Variants in ARID1B observed in about 807,000 individuals in gnomAD.
ARID1B encodes the protein AT-rich interaction domain 1B.
ARID1B carries 30 observed loss-of-function variants against 212.3 expected under a neutral mutation model. The ratio of observed to expected loss-of-function variants is 0.14; its 90% CI spans 0.11 to 0.19. The LOEUF (loss-of-function observed/expected upper bound fraction) is 0.19, where lower values mean the gene tolerates loss of function less well. Among genes scored for constraint, ARID1B ranks in the 10% least tolerant of loss-of-function variants. The pLI, the probability that ARID1B is intolerant of heterozygous loss-of-function variation, is 1.00. For missense variants in ARID1B, 2,891 were observed against 3,204.0 expected (o/e 0.90, Z 2.36); for synonymous variants, 1,402 against 1,301.7 (o/e 1.08, Z -1.66).
At chr6:156,872,978 C>T (rs1421152289) in intron 2 of ARID1B, among the ~76,000 whole-genome samples, 2 of 152,202 alleles carry the variant, frequency 1.3e-5, no homozygotes, top group East Asian at 1.9e-4. Flanking sequence ...CTGAAGACCC[C>T]TCTACTCTTC....
At chr6:156,897,191 A>ACTG (rs576037969) in intron 2 of ARID1B, among the ~76,000 whole-genome samples, 9,475 of 108,292 alleles carry the variant, frequency 0.087, 569 homozygotes, top group Non-Finnish European at 0.12. Flanking sequence ...TGCTGCTGCT[A>ACTG]CTGCTGCTGC....
chr6:156,965,889 G>T (rs904906403), intron 4 of ARID1B, among the ~76,000 whole-genome samples: 5 of 152,088 alleles, frequency 3.3e-5, no homozygotes, highest in Non-Finnish European at 1.5e-5. Flanking sequence ...CTGAAATTTT[G>T]TCTTTAAGTT....
Position 157,137,144 on chromosome 6 carries a change from G to A in ARID1B, c.2761+3937G>A, listed in dbSNP as rs965612615. Among the ~76,000 whole-genome samples the A allele has an allele frequency of 3.9e-5, 6 of 152,018 alleles. 1 individual carries two copies. Among genetic ancestry groups the A allele is most frequent in the Non-Finnish European group, 2.9e-5 (2 of 68,012 alleles). Reference sequence around the variant, plus strand: ...TGCAGTGAGCTCTGATCACACCACTGCTCTACAGCCTGGGTGGCAAAGTGA... The same window carrying A: ...TGCAGTGAGCTCTGATCACACCACTACTCTACAGCCTGGGTGGCAAAGTGA... On this transcript the variant is annotated intron_variant, in intron 7 of 19. Coordinates refer to ENST00000636930, the MANE Select transcript of ARID1B (RefSeq NM_001374828.1).
At chr6:157,188,312 C>T (rs1583477036) in intron 13 of ARID1B, among the ~76,000 whole-genome samples, 1 of 152,158 alleles carries the variant, frequency 6.6e-6, no homozygotes, top group East Asian at 1.9e-4. Flanking sequence ...ACGGATGTTA[C>T]GCAGTGTTCA....
chr6:156,954,697 G>A (rs1355070075), intron 4 of ARID1B, among the ~76,000 whole-genome samples: 4 of 151,816 alleles, frequency 2.6e-5, no homozygotes, highest in Non-Finnish European at 5.9e-5. Context: ...TTCTACTTCT[G>A]CCTTCTTAAA....
chr6:156,821,768 C>A (rs1782370650), intron 1 of ARID1B, among the ~76,000 whole-genome samples: 1 of 152,192 alleles, frequency 6.6e-6, no homozygotes, highest in Admixed American at 6.5e-5. Context: ...ATGAACTCCT[C>A]TGACACTGTA....
chr6:156,980,467 G>A lies in ARID1B; in HGVS notation c.2247+44891G>A, dbSNP rs144112110. On this transcript the variant is annotated intron_variant, in intron 4 of 19. Transcript: ENST00000636930. ...CATTGCACTCCAGCCTGGGCGACAA[G>A]AGCCAACCTACATCTCAAAAACAAA... Among the ~76,000 whole-genome samples the A allele has an allele frequency of 2.9e-4, 43 of 150,358 alleles. 1 individual carries two copies. The East Asian group carries it at 8.3e-3, about 29-fold the overall frequency.
chr6:156,875,367 A>G (rs561003299), intron 2 of ARID1B, among the ~76,000 whole-genome samples: 1 of 152,360 alleles, frequency 6.6e-6, no homozygotes, highest in East Asian at 1.9e-4. Context: ...TTTCCAGTCC[A>G]GTTAGTGACA....
intron 1 of ARID1B, among the ~76,000 whole-genome samples, chr6:156,810,868 G>A (rs933930339): frequency 2.6e-5 from 4 of 152,178 alleles, no homozygotes; most frequent in African/African-American, 9.7e-5. Flanking sequence ...GTTTGCTGTT[G>A]CTGCATAACA....
chr6:157,073,750 C>T (rs1784129495), intron 4 of ARID1B, among the ~76,000 whole-genome samples: 1 of 152,202 alleles, frequency 6.6e-6, no homozygotes, highest in South Asian at 2.1e-4. Flanking sequence ...TCTTACCCCA[C>T]AATTCCTGCT....
intron 1 of ARID1B, among the ~76,000 whole-genome samples, chr6:156,810,673 G>C (rs895348791): frequency 6.6e-6 from 1 of 152,140 alleles, no homozygotes; most frequent in Non-Finnish European, 1.5e-5. Context: ...GGTGATCCTT[G>C]AGTCAAGGCC....
intron 4 of ARID1B, among the ~76,000 whole-genome samples, chr6:156,952,929 A>T (rs999411776): frequency 6.6e-6 from 1 of 152,206 alleles, no homozygotes; most frequent in East Asian, 1.9e-4. Context: ...GGAATCTTCA[A>T]GAAGACTTTA....
Position 156,971,684 on chromosome 6 carries a change from C to T in ARID1B, c.2247+36108C>T, listed in dbSNP as rs116508646. Among the ~76,000 whole-genome samples the T allele has an allele frequency of 4.6e-3, 699 of 152,194 alleles. 8 individuals carry two copies. Among genetic ancestry groups the T allele is most frequent in the African/African-American group, 0.016 (662 of 41,512 alleles). Reference sequence around the variant, plus strand: ...TCTCATCTAGGGCTTGTGGGGGTTCCTCTTCCAAGCTCCTGTGGTTGCTGG... The same window carrying T: ...TCTCATCTAGGGCTTGTGGGGGTTCTTCTTCCAAGCTCCTGTGGTTGCTGG... On this transcript the variant is annotated intron_variant, in intron 4 of 19. Coordinates refer to ENST00000636930, the MANE Select transcript of ARID1B (RefSeq NM_001374828.1).
chr6:157,048,515 C>T (rs748514983), intron 4 of ARID1B, among the ~76,000 whole-genome samples: 13 of 152,080 alleles, frequency 8.5e-5, no homozygotes, highest in Non-Finnish European at 1.5e-4. Context: ...AATAAAAAGT[C>T]TGGGAGACTA....
chr6:156,794,570 CTTTTTTTTT>C (rs34848808), intron 1 of ARID1B, among the ~76,000 whole-genome samples: 5 of 67,978 alleles, frequency 7.4e-5, no homozygotes, highest in Admixed American at 3.9e-4. Context: ...CTGGCACATT[CTTTTTTTTT>C]TTTTTTTTTT....
chr6:157,002,659 A>G lies in ARID1B; in HGVS notation c.2247+67083A>G, dbSNP rs149012843. Among the ~76,000 whole-genome samples the G allele has an allele frequency of 4.9e-3, 754 of 152,340 alleles. 4 individuals are homozygous for G. Among genetic ancestry groups the G allele is most frequent in the African/African-American group, 0.017 (718 of 41,562 alleles). ...AGAATTGCTAAATAGTTGCTGGAGTATTTTAATTTAGTCTGCCTGAAACTG... is the reference window on the plus strand; with the variant it reads ...AGAATTGCTAAATAGTTGCTGGAGTGTTTTAATTTAGTCTGCCTGAAACTG... On this transcript the variant is annotated intron_variant, in intron 4 of 19. Transcript: ENST00000636930.
intron 4 of ARID1B, among the ~76,000 whole-genome samples, chr6:157,080,575 C>T (rs1784576492): frequency 6.6e-6 from 1 of 152,214 alleles, no homozygotes. Flanking sequence ...TTTATTCCTT[C>T]TGACGCTGCC....
At chr6:156,810,894 A>C (rs1208043237) in intron 1 of ARID1B, among the ~76,000 whole-genome samples, 1 of 152,204 alleles carries the variant, frequency 6.6e-6, no homozygotes, top group Admixed American at 6.5e-5. Context: ...AGTGGCTTAA[A>C]AGAACACACA....
chr6:156,778,178 GCACCAC>G lies in ARID1B; in HGVS notation c.510_515del (p.His171_His172del). 3.2e-6 allele frequency: 5 copies of G among 1,540,308 alleles called. No individual in the cohort carries two copies. The highest frequency in any genetic ancestry group is 2.4e-5 in the South Asian group (2 of 83,718). On this transcript the variant is annotated inframe_deletion, in exon 1 of 20. Transcript: ENST00000636930. ...CCCCCGCCGCGCCGCCCCACCAGCA[GCACCAC>G]CACCACCACCATGCCCACCACCACC... is the stretch of plus-strand genomic sequence containing the variant.
Sources: gnomAD v4.1 joint callset for allele counts (sites outside exome capture counted in the v4.1 genomes callset) on GRCh38, gnomAD v4.1.1 for gene constraint, MANE v1.5 for transcripts, NCBI Gene and HGNC (gene_info 2026-07-23, HGNC 2026-07-21) for gene names.